The following ADARB2 variants were observed in gnomAD, a reference collection of about 807,000 sequenced individuals.
ADARB2 encodes inactive double-stranded RNA-specific editase B2.
A neutral mutation model predicts 62.2 loss-of-function variants in ADARB2; 25 were observed. That is an observed-to-expected ratio of 0.40 (90% CI 0.29 to 0.56). The LOEUF (loss-of-function observed/expected upper bound fraction) is 0.56, where lower values mean the gene tolerates loss of function less well. ADARB2 is among the 20% of genes least tolerant of loss of function. The pLI, the probability that ADARB2 is intolerant of heterozygous loss-of-function variation, is 0.43. For synonymous variants in ADARB2, 572 were observed against 500.8 expected (o/e 1.14, Z -1.90); for missense variants, 1,071 against 1,077.4 (o/e 0.99, Z 0.08).
chr10:1,223,605 C>G (rs1830716248), intron 6 of ADARB2, among the ~76,000 whole-genome samples: 1 of 152,112 alleles, frequency 6.6e-6, no homozygotes, highest in African/African-American at 2.4e-5. Flanking sequence ...CCATCAATAC[C>G]TAATTTATTG....
chr10:1,350,413 G>T (rs560757795), intron 3 of ADARB2, among the ~76,000 whole-genome samples: 1 of 152,140 alleles, frequency 6.6e-6, no homozygotes, highest in African/African-American at 2.4e-5. Flanking sequence ...GACCGAGCTA[G>T]GTCCCAATTC....
intron 3 of ADARB2, among the ~76,000 whole-genome samples, chr10:1,323,859 T>G (rs530705080): frequency 1.3e-5 from 2 of 152,322 alleles, no homozygotes; most frequent in African/African-American, 2.4e-5. Flanking sequence ...TATCTTAGAT[T>G]CAATACCAAA....
At chr10:1,563,677 T>C (rs977711616) in intron 1 of ADARB2, among the ~76,000 whole-genome samples, 3 of 151,734 alleles carry the variant, frequency 2.0e-5, no homozygotes, top group Non-Finnish European at 4.4e-5. Context: ...ATGTGCACAA[T>C]GTGCAGGTCA....
intron 1 of ADARB2, among the ~76,000 whole-genome samples, chr10:1,438,543 CT>C (rs1830861643): frequency 6.8e-6 from 1 of 146,218 alleles, no homozygotes. Context: ...CCTGAGTCTC[CT>C]CAGCAGATGG....
intron 1 of ADARB2, among the ~76,000 whole-genome samples, chr10:1,391,147 C>T (rs960384883): frequency 2.6e-5 from 4 of 152,138 alleles, no homozygotes; most frequent in African/African-American, 7.2e-5. Flanking sequence ...CCTGAAGAGC[C>T]CCTGAGCTGA....
At chr10:1,230,457 G>A (rs1830793970) in intron 6 of ADARB2, among the ~76,000 whole-genome samples, 2 of 152,142 alleles carry the variant, frequency 1.3e-5, no homozygotes. Context: ...CCTGGCCACT[G>A]GCATCCCCTT....
Position 1,229,361 on chromosome 10 carries a change from G to C in ADARB2, c.1513+4333C>G, listed in dbSNP as rs930488040. ...TGGGGCTTGGGGAATTCCTGGTCCT[G>C]CTGAGCTGTTGGAGCAGGTTGCTGC... On this transcript the variant is annotated intron_variant, in intron 6 of 9. Transcript: ENST00000381312. Among the ~76,000 whole-genome samples the C allele has an allele frequency of 5.6e-4, 85 of 152,172 alleles. 1 individual carries two copies. The highest frequency in any genetic ancestry group is 2.1e-4 in the Non-Finnish European group (14 of 68,034).
rs749435838 is a variant in ADARB2 at position 1,184,911 on chromosome 10, G to A, written c.1993C>T (p.Arg665Trp). 8 of 1,613,864 alleles carry A rather than the reference G, an allele frequency of 5.0e-6. No individual in the cohort carries two copies. The Admixed American group carries it at 5.0e-5, about 10-fold the overall frequency. Residue 665 changes from arginine to tryptophan, a missense_variant, in exon 9 of 10, where the codon CGG becomes TGG. Transcript: ENST00000381312. Reference protein sequence around the residue: ...TGRRSCGGPSRLCKHVLSARW... With the variant: ...TGRRSCGGPSWLCKHVLSARW... ...GCAGACAGCACGTGCTTGCAGAGCC[G>A]GGATGGGCCCCCACAGCTCCTCCGC...
chr10:1,438,874 G>A (rs1233156397), intron 1 of ADARB2, among the ~76,000 whole-genome samples: 3 of 85,320 alleles, frequency 3.5e-5, no homozygotes, highest in African/African-American at 1.5e-4. Flanking sequence ...CCAGGATGGA[G>A]GCAGGTTCTT....
chr10:1,218,496 A>G (rs551517320), intron 6 of ADARB2, among the ~76,000 whole-genome samples: 14 of 152,362 alleles, frequency 9.2e-5, no homozygotes, highest in Non-Finnish European at 1.9e-4. Flanking sequence ...TTTCTTTAGA[A>G]AGTTCCTATT....
At chr10:1,545,251 T>C (rs946559447) in intron 1 of ADARB2, among the ~76,000 whole-genome samples, 5 of 152,212 alleles carry the variant, frequency 3.3e-5, no homozygotes, top group African/African-American at 1.2e-4. Context: ...CCAGATACAG[T>C]GGGTGCAATT....
At chr10:1,352,755 C>T (rs1204322148) in intron 3 of ADARB2, among the ~76,000 whole-genome samples, 1 of 152,178 alleles carries the variant, frequency 6.6e-6, no homozygotes, top group Non-Finnish European at 1.5e-5. Context: ...TTTGTTGAGT[C>T]TCCCACAATT....
chr10:1,556,809 C>T (rs1030091789), intron 1 of ADARB2: 2 of 534,468 alleles, frequency 3.7e-6, no homozygotes, highest in Non-Finnish European at 7.7e-6. Flanking sequence ...TCCCTGGAAG[C>T]ATATGCTGCA....
At chr10:1,506,615 A>G (rs1423445479) in intron 1 of ADARB2, among the ~76,000 whole-genome samples, 1 of 152,250 alleles carries the variant, frequency 6.6e-6, no homozygotes, top group East Asian at 1.9e-4. Context: ...CCCACTGTGC[A>G]GGGTCTCATG....
At chr10:1,187,167 G>C (rs1441106253) in intron 8 of ADARB2, among the ~76,000 whole-genome samples, 1 of 152,332 alleles carries the variant, frequency 6.6e-6, no homozygotes, top group African/African-American at 2.4e-5. Context: ...AGTGATTCAC[G>C]GTGGCAGCTG....
intron 1 of ADARB2, among the ~76,000 whole-genome samples, chr10:1,722,265 A>G (rs867767418): frequency 6.6e-6 from 1 of 152,188 alleles, no homozygotes; most frequent in African/African-American, 2.4e-5. Flanking sequence ...TGTCCTGGCT[A>G]TTATTGTGCA....
At chr10:1,527,558 A>T (rs1396377341) in intron 1 of ADARB2, among the ~76,000 whole-genome samples, 1 of 152,256 alleles carries the variant, frequency 6.6e-6, no homozygotes, top group Non-Finnish European at 1.5e-5. Context: ...CTGTTGTAAG[A>T]AGACTTGCTA....
chr10:1,351,087 G>A (rs1325679300), intron 3 of ADARB2, among the ~76,000 whole-genome samples: 2 of 152,098 alleles, frequency 1.3e-5, no homozygotes, highest in African/African-American at 2.4e-5. Context: ...CCTAAGCCGT[G>A]TCCCATCTGT....
intron 8 of ADARB2, among the ~76,000 whole-genome samples, chr10:1,185,891 G>A (rs1836751044): frequency 6.6e-6 from 1 of 152,240 alleles, no homozygotes; most frequent in South Asian, 2.1e-4. Context: ...CCACTCTGGG[G>A]TGGCAGCTGC....
Sources: gnomAD v4.1 joint callset for allele counts (sites outside exome capture counted in the v4.1 genomes callset) on GRCh38, gnomAD v4.1.1 for gene constraint, MANE v1.5 for transcripts, NCBI Gene and HGNC (gene_info 2026-07-23, HGNC 2026-07-21) for gene names.